NIN: variants seen among roughly 807,000 people sequenced by gnomAD.
NIN encodes glycogen synthase kinase 3 beta-interacting protein.
In NIN, 137 loss-of-function variants were observed where a neutral mutation model predicts 257.6. The ratio of observed to expected loss-of-function variants is 0.53; its 90% CI spans 0.46 to 0.61. The LOEUF (loss-of-function observed/expected upper bound fraction) is 0.61, where lower values mean the gene tolerates loss of function less well. Among genes scored for constraint, NIN ranks in the 20% least tolerant of loss-of-function variants. NIN has a pLI of 0.00. For missense variants in NIN, 2,439 were observed against 2,501.2 expected, an observed-to-expected ratio of 0.98 and a Z score of 0.53; for synonymous variants, 918 against 919.8, an observed-to-expected ratio of 1.00 and a Z score of 0.04.
At chr14:50,762,236 T>C (rs1239519105) in intron 15 of NIN, among the ~76,000 whole-genome samples, 1 of 152,090 alleles carries the variant, frequency 6.6e-6, no homozygotes, top group East Asian at 1.9e-4. Context: ...CTAATGCAAA[T>C]GCTGCAAATT....
At chr14:50,728,727 TTC>T (rs2140337243) in intron 29 of NIN, among the ~76,000 whole-genome samples, 1 of 152,338 alleles carries the variant, frequency 6.6e-6, no homozygotes, top group African/African-American at 2.4e-5. Context: ...AGAGTTAAAC[TTC>T]TGAGAAAGGA....
chr14:50,779,651 G>C (rs1031187367), intron 5 of NIN, among the ~76,000 whole-genome samples: 7 of 152,014 alleles, frequency 4.6e-5, no homozygotes, highest in Non-Finnish European at 4.4e-5. Context: ...CCAGCTACTC[G>C]GGAGGCTGAG....
intron 24 of NIN, 45 bp from the exon 25 acceptor site, chr14:50,741,773 G>A (rs747451580): frequency 3.9e-5 from 62 of 1,599,394 alleles, no homozygotes; most frequent in Non-Finnish European, 5.2e-5. Flanking sequence ...AACTCTTGTG[G>A]TCTCACCTCT....
chr14:50,773,722 A>T (rs1384903079), intron 7 of NIN, among the ~76,000 whole-genome samples: 1 of 152,216 alleles, frequency 6.6e-6, no homozygotes, highest in African/African-American at 2.4e-5. Flanking sequence ...TGTGTGTGCA[A>T]TAGAAGGGTT....
chr14:50,746,378 T>C lies in NIN; in HGVS notation c.5064+1614A>G, dbSNP rs981414952. On this transcript the variant is annotated intron_variant, in intron 22 of 30. Transcript: ENST00000530997. ...CTCTAGTCACGGCAGAACATGCATT[T>C]TGCATAGCAGTAGTTAACTTGAAAA... Among the ~76,000 whole-genome samples the C allele has an allele frequency of 2.0e-5, 3 of 152,232 alleles. No homozygotes were observed. The East Asian group carries it at 5.8e-4, about 29-fold the overall frequency.
intron 29 of NIN, among the ~76,000 whole-genome samples, chr14:50,728,935 C>T (rs547438830): frequency 1.3e-5 from 2 of 152,322 alleles, no homozygotes; most frequent in South Asian, 4.1e-4. Flanking sequence ...GAAAAGTCAT[C>T]ACTTGTGATT....
chr14:50,746,701 C>A (rs1233147358), intron 22 of NIN, among the ~76,000 whole-genome samples: 1 of 152,164 alleles, frequency 6.6e-6, no homozygotes, highest in African/African-American at 2.4e-5. Context: ...TACCATAAAT[C>A]AAGATTGTTC....
At chr14:50,743,843 A>T (rs2041407785) in intron 23 of NIN, among the ~76,000 whole-genome samples, 1 of 152,202 alleles carries the variant, frequency 6.6e-6, no homozygotes, top group Non-Finnish European at 1.5e-5. Context: ...TAGGAAGAAA[A>T]CAGAATATCT....
At chr14:50,750,149 C>T (rs2041727104) in intron 21 of NIN, among the ~76,000 whole-genome samples, 1 of 152,052 alleles carries the variant, frequency 6.6e-6, no homozygotes, top group African/African-American at 2.4e-5. Context: ...CTTCTGGCCC[C>T]ATCAGATGTT....
intron 2 of NIN, among the ~76,000 whole-genome samples, chr14:50,827,354 C>A: frequency 6.6e-6 from 1 of 152,190 alleles, no homozygotes; most frequent in Non-Finnish European, 1.5e-5. Context: ...TCACTTCTAG[C>A]TGGATACCAA....
intron 18 of NIN, among the ~76,000 whole-genome samples, chr14:50,755,642 T>C (rs2041985256): frequency 7.3e-6 from 1 of 136,612 alleles, no homozygotes; most frequent in Non-Finnish European, 1.6e-5. Context: ...ACTGTTTGTT[T>C]TGTCTCTTTT....
intron 23 of NIN, 56 bp downstream of exon 23, chr14:50,744,187 G>A (rs45549238): frequency 0.023 from 36,780 of 1,587,032 alleles, 503 homozygotes; most frequent in Middle Eastern, 0.031. Context: ...ACAGAGAAAG[G>A]TTCATTATGG....
At chr14:50,729,757 G>A in intron 28 of NIN, 34 bp from the exon 29 acceptor site, 1 of 1,515,068 alleles carries the variant, frequency 6.6e-7, no homozygotes, top group Non-Finnish European at 8.9e-7. Flanking sequence ...GTTCAGCTGA[G>A]TCCCTTCAAT....
intron 19 of NIN, 23 bp from the exon 20 acceptor site, chr14:50,754,655 A>G: frequency 6.3e-7 from 1 of 1,599,192 alleles, no homozygotes; most frequent in Non-Finnish European, 8.5e-7. Flanking sequence ...ATGAAAATAA[A>G]ATTTAATGGT....
Position 50,759,758 on chromosome 14 carries a change from G to C in NIN, c.2399+99C>G, listed in dbSNP as rs2042201869. On this transcript the variant is annotated intron_variant, in intron 17 of 30. Coordinates refer to ENST00000530997, the MANE Select transcript of NIN (RefSeq NM_020921.4). ...CCCACCTCGGCCTCCCAGAGTGCTG[G>C]GATTACAGGCGTGAGCCACCGCGCC... The C allele has an allele frequency of 2.3e-6, 3 of 1,304,130 alleles. No homozygotes were observed. In the African/African-American group the frequency reaches 4.4e-5, roughly 19 times the overall value. The allele number at this position is 1,304,130 out of a possible 1,614,324, so 80.8% of individuals were successfully genotyped here.
chr14:50,772,402 C>G lies in NIN; in HGVS notation c.880G>C (p.Val294Leu). ...SAMTSTIGFR[V>L]FSCLDDGMGH... is the part of the protein sequence containing the mutation. ...ATCCCATCATCCAGGCAGGAGAAGA[C>G]CCGAAAGCCAATGGTACTTGTCATT... The change falls in exon 9 of 31, where the codon GTC becomes CTC. Residue 294 changes from valine to leucine, a missense_variant. By Grantham distance (32) the Val-to-Leu change is conservative. Around this residue, in one of 3 missense-constraint regions of NIN, gnomAD observed 387 missense variants for 427.3 expected, o/e 0.91. Transcript: ENST00000530997. 6.2e-7 allele frequency: 1 copy of G among 1,614,154 alleles called. No individual in the cohort carries two copies. The highest frequency in any genetic ancestry group is 8.5e-7 in the Non-Finnish European group (1 of 1,180,020).
chr14:50,776,310 T>C (rs979848563), intron 7 of NIN, among the ~76,000 whole-genome samples: 1 of 152,212 alleles, frequency 6.6e-6, no homozygotes, highest in Non-Finnish European at 1.5e-5. Context: ...GAAGAGTCTT[T>C]TGGGGGCTCC....
In NIN at chr14:50,735,545, G is replaced by C. The variant is rs1314980980; in HGVS notation, c.5848C>G (p.Gln1950Glu). 1 of 1,613,012 alleles carries C rather than the reference G, an allele frequency of 6.2e-7. No individual in the cohort carries two copies. The highest frequency in any genetic ancestry group is 1.1e-5 in the South Asian group (1 of 91,054). ...ATGAGCTGCTCATCCAGTTTTACTT[G>C]TTTCTTTTTCAGGCCTTCATTTTCC... The part of the protein sequence containing the change: ...HLENEGLKKK[Q>E]VKLDEQLMEM... Residue 1950 changes from glutamine (Q) to glutamate (E), a missense_variant, in exon 28 of 31, where the codon CAA becomes GAA. This residue lies in a region of NIN where 2,043 missense variants were observed against 2,050.2 expected (regional missense o/e 1.00). Transcript: ENST00000530997.
intron 29 of NIN, among the ~76,000 whole-genome samples, chr14:50,728,584 C>T (rs1270072715): frequency 1.3e-5 from 2 of 152,174 alleles, no homozygotes; most frequent in Non-Finnish European, 2.9e-5. Flanking sequence ...AATTCCTTGT[C>T]AAGCATTAAC....
Sources: gnomAD v4.1 joint callset for allele counts (sites outside exome capture counted in the v4.1 genomes callset) on GRCh38, gnomAD v4.1.1 for gene constraint, gnomAD v4.1.1 regional missense constraint, MANE v1.5 for transcripts, NCBI Gene and HGNC (gene_info 2026-07-23, HGNC 2026-07-21) for gene names.